Variants in VGLL4 observed in about 807,000 individuals in gnomAD.
VGLL4 encodes the protein transcription cofactor vestigial-like protein 4.
Under a neutral mutation model 21.0 loss-of-function variants are expected in VGLL4, and 7 were observed. That is an observed-to-expected ratio of 0.33 (90% CI 0.19 to 0.63). VGLL4 has a LOEUF of 0.63. Ranked by LOEUF, VGLL4 falls within the 20% of genes least tolerant of loss-of-function variation. VGLL4 has a pLI of 0.78. For synonymous variants in VGLL4, 222 were observed against 173.2 expected (o/e 1.28, Z -2.21); for missense variants, 394 against 425.7 (o/e 0.93, Z 0.66).
chr3:11,707,070 C>A (rs1392630625), intron 1 of VGLL4, among the ~76,000 whole-genome samples: 1 of 151,604 alleles, frequency 6.6e-6, no homozygotes, highest in Non-Finnish European at 1.5e-5. Flanking sequence ...AGTCCCAGCA[C>A]TTTAGGAGGC....
chr3:11,635,973 G>A (rs1014720940), intron 1 of VGLL4, among the ~76,000 whole-genome samples: 1 of 152,146 alleles, frequency 6.6e-6, no homozygotes, highest in East Asian at 1.9e-4. Flanking sequence ...TCTTTCTGGG[G>A]TCAGCCAATA....
At chr3:11,651,541 T>C (rs1479916468) in intron 2 of VGLL4, among the ~76,000 whole-genome samples, 1 of 151,682 alleles carries the variant, frequency 6.6e-6, no homozygotes, top group Non-Finnish European at 1.5e-5. Context: ...CTCTTCATCC[T>C]GCATTATTTT....
At chr3:11,559,668 G>C (rs1438582988) in intron 3 of VGLL4, among the ~76,000 whole-genome samples, 2 of 151,884 alleles carry the variant, frequency 1.3e-5, no homozygotes, top group Non-Finnish European at 2.9e-5. Flanking sequence ...CCTTGGTCGT[G>C]GCTGTTTGGA....
chr3:11,602,092 G>T, intron 1 of VGLL4, 70 bp from the exon 2 acceptor site: 1 of 1,370,552 alleles, frequency 7.3e-7, no homozygotes, highest in Non-Finnish European at 9.5e-7. Flanking sequence ...CAGGCTCCCC[G>T]CCCGCCCAGC....
Position 11,559,461 on chromosome 3 carries a change from G to A in VGLL4, c.496-6C>T. 2 of 1,553,074 alleles carry A rather than the reference G, an allele frequency of 1.3e-6. No individual in the cohort carries two copies. The highest frequency in any genetic ancestry group is 1.7e-6 in the Non-Finnish European group (2 of 1,149,570). ...GTGATCACGGAGGGCCGGTTCTGCG[G>A]GGAGGAGGGGTGTCAGTATGTGGAG... is the stretch of plus-strand genomic sequence containing the variant. On this transcript the variant is annotated splice_region_variant and splice_polypyrimidine_tract_variant and intron_variant, in intron 3 of 4. Coordinates refer to ENST00000430365, the MANE Select transcript of VGLL4 (RefSeq NM_001128219.3).
chr3:11,558,427 T>C lies in VGLL4; in HGVS notation c.*129A>G. 2.2e-6 allele frequency: 3 copies of C among 1,384,600 alleles called. No homozygotes were observed. The highest frequency in any genetic ancestry group is 3.0e-5 in the South Asian group (2 of 67,206). The allele number at this position is 1,384,600 out of a possible 1,614,324, so 85.8% of individuals were successfully genotyped here. A position where few individuals can be genotyped will look rare whatever the true frequency, so the allele number is the denominator to read the frequency against. ...CAGAACACAAATCCCAACAACATGG[T>C]TTTTGCAAATAAACCATCCCTTCCC... On this transcript the variant is annotated 3_prime_UTR_variant, in exon 5 of 5. Transcript: ENST00000430365.
At chr3:11,656,359 G>A (rs1454968305) in intron 2 of VGLL4, among the ~76,000 whole-genome samples, 3 of 152,198 alleles carry the variant, frequency 2.0e-5, no homozygotes, top group Non-Finnish European at 1.5e-5. Flanking sequence ...TCCAGAGATG[G>A]TGTCCAACAC....
chr3:11,568,892 C>T lies in VGLL4; in HGVS notation c.273-3873G>A. ...TGAGGCTGCACGGCACCCGGCCCCGCCCCGGGCCTCATCCCCATCCTAGGC... is the reference window on the plus strand; with the variant it reads ...TGAGGCTGCACGGCACCCGGCCCCGTCCCGGGCCTCATCCCCATCCTAGGC... On this transcript the variant is annotated intron_variant, in intron 2 of 4. Coordinates refer to ENST00000430365, the MANE Select transcript of VGLL4 (RefSeq NM_001128219.3). This position sits in a 1 kb window ranked among gnomAD's most constrained non-coding sequence, Gnocchi z 5.9. The T allele has an allele frequency of 7.6e-7, 1 of 1,319,126 alleles. No homozygotes were observed. Among genetic ancestry groups the T allele is most frequent in the Non-Finnish European group, 9.7e-7 (1 of 1,031,224 alleles). The allele number at this position is 1,319,126 out of a possible 1,614,324, so 81.7% of individuals were successfully genotyped here. A position where few individuals can be genotyped will look rare whatever the true frequency, so the allele number is the denominator to read the frequency against.
In VGLL4 at chr3:11,558,475, A is replaced by T. The variant is rs900382937; in HGVS notation, c.*81T>A. 113 of 789,088 alleles carry T rather than the reference A, an allele frequency of 1.4e-4. No homozygotes were observed. Among genetic ancestry groups the T allele is most frequent in the East Asian group, 2.6e-4 (6 of 23,328 alleles). The allele number at this position is 789,088 out of a possible 1,614,324, so 48.9% of individuals were successfully genotyped here. A position where few individuals can be genotyped will look rare whatever the true frequency, so the allele number is the denominator to read the frequency against. ...CCCTTCCCCCCACCCCACCCCCATGATTTTTTTTTTTTTAAGTACTGACTG... is the reference window on the plus strand; with the variant it reads ...CCCTTCCCCCCACCCCACCCCCATGTTTTTTTTTTTTTTAAGTACTGACTG... On this transcript the variant is annotated 3_prime_UTR_variant, in exon 5 of 5. Transcript: ENST00000430365.
intron 3 of VGLL4, among the ~76,000 whole-genome samples, chr3:11,563,750 G>A (rs563882122): frequency 2.6e-5 from 4 of 152,342 alleles, no homozygotes; most frequent in Non-Finnish European, 4.4e-5. Flanking sequence ...GCACACAGCA[G>A]GGGTCTGTGC....
intron 1 of VGLL4, among the ~76,000 whole-genome samples, chr3:11,632,555 G>A (rs1254509006): frequency 6.6e-6 from 1 of 152,184 alleles, no homozygotes; most frequent in Non-Finnish European, 1.5e-5. Flanking sequence ...GAAATTTTCT[G>A]CAAGTTTCCT....
chr3:11,590,268 C>A (rs896121290), intron 2 of VGLL4, among the ~76,000 whole-genome samples: 11 of 152,188 alleles, frequency 7.2e-5, no homozygotes, highest in Non-Finnish European at 1.6e-4. Flanking sequence ...GGTTCAATGA[C>A]ATGGAAATTT....
upstream of VGLL4, among the ~76,000 whole-genome samples, chr3:11,646,240 A>T: frequency 6.6e-6 from 1 of 152,240 alleles, no homozygotes; most frequent in East Asian, 1.9e-4. Flanking sequence ...AACTCGTAAC[A>T]TCCAGTATAC....
At chr3:11,585,488 G>C (rs2074341404) in intron 2 of VGLL4, among the ~76,000 whole-genome samples, 1 of 151,564 alleles carries the variant, frequency 6.6e-6, no homozygotes, top group Admixed American at 6.6e-5. Context: ...AGCCTTGAAT[G>C]AATTATTTAT....
chr3:11,626,381 G>A (rs2075352696), intron 1 of VGLL4: 1 of 456,818 alleles, frequency 2.2e-6, no homozygotes, highest in Non-Finnish European at 4.4e-6. Context: ...ATGTATCCAA[G>A]TGCCACTCTT....
chr3:11,578,748 CTTTT>C (rs71044228), intron 2 of VGLL4, among the ~76,000 whole-genome samples: 26 of 104,708 alleles, frequency 2.5e-4, no homozygotes, highest in Middle Eastern at 7.4e-3. Context: ...TGTATATTTT[CTTTT>C]TTTTTTTTTT....
intron 2 of VGLL4, among the ~76,000 whole-genome samples, chr3:11,599,683 T>C (rs2074741739): frequency 6.8e-6 from 1 of 147,150 alleles, no homozygotes; most frequent in South Asian, 2.2e-4. Context: ...CACACCCAGC[T>C]AGTTTTTTGT....
chr3:11,629,099 A>G (rs2447613), intron 1 of VGLL4, among the ~76,000 whole-genome samples: 29,422 of 152,176 alleles, frequency 0.19, 3,188 homozygotes, highest in Middle Eastern at 0.25. Flanking sequence ...ACCAAAGCCA[A>G]TTTTCACAAT....
rs962312656 is a variant in VGLL4, at chr3:11,677,503, G to C, written c.64+25468C>G. Among the ~76,000 whole-genome samples, 5 of 152,026 alleles carry C rather than the reference G, an allele frequency of 3.3e-5. No individual in the cohort carries two copies. In the East Asian group the frequency reaches 9.6e-4, roughly 29 times the overall value. ...TTGCCCATGGTGGTCTCAAACTCCT[G>C]GGCCCAAGTGATCCACCCACCTTGG... On this transcript the variant is annotated intron_variant, in intron 2 of 5. Transcript: ENST00000273038.
Sources: allele counts gnomAD v4.1 joint callset (sites outside exome capture counted in the v4.1 genomes callset), GRCh38; gene constraint gnomAD v4.1.1; non-coding constraint Gnocchi (gnomAD v3.1); transcripts MANE v1.5; gene names NCBI Gene and HGNC (gene_info 2026-07-23, HGNC 2026-07-21).